SLC30A7: variants seen among roughly 807,000 people sequenced by gnomAD.
SLC30A7 encodes solute carrier family 30 member 7, also known as zinc transporter 7.
Under a neutral mutation model 46.0 loss-of-function variants are expected in SLC30A7, and 35 were observed. The ratio of observed to expected loss-of-function variants is 0.76; its 90% CI spans 0.58 to 1.01. The LOEUF (loss-of-function observed/expected upper bound fraction) is 1.01, where lower values mean the gene tolerates loss of function less well. SLC30A7 is among the 50% of genes least tolerant of loss of function. The pLI is 0.00. For synonymous variants in SLC30A7, 147 were observed against 157.8 expected (o/e 0.93, Z 0.51); for missense variants, 464 against 451.1 (o/e 1.03, Z -0.26).
intron 2 of SLC30A7, among the ~76,000 whole-genome samples, chr1:100,899,325 G>A (rs548161866): frequency 3.9e-5 from 6 of 152,232 alleles, no homozygotes; most frequent in African/African-American, 7.2e-5. Flanking sequence ...TAACTACCCC[G>A]TTAAGGAAAA....
downstream of SLC30A7, among the ~76,000 whole-genome samples, chr1:100,986,035 G>T (rs1053983538): frequency 1.3e-5 from 2 of 152,252 alleles, no homozygotes; most frequent in African/African-American, 4.8e-5. Context: ...CATCAAATAG[G>T]ATATAAGAAT....
intron 3 of SLC30A7, among the ~76,000 whole-genome samples, chr1:100,908,978 C>T (rs1489977125): frequency 6.6e-6 from 1 of 151,748 alleles, no homozygotes; most frequent in Non-Finnish European, 1.5e-5. Flanking sequence ...TAATGTTCAG[C>T]TTTAGCTAGT....
chr1:100,913,745 G>A lies in SLC30A7; in HGVS notation c.594G>A (p.Val198=). Residue 198 remains valine, a synonymous_variant, in exon 6 of 11, where the codon GTG becomes GTA. Transcript: ENST00000357650. The part of the protein sequence containing the change: ...GHVDHCHSHE[V]KHGAAHSHDH... Reference sequence around the variant, plus strand: ...TCGATCATTGCCATAGCCATGAAGTGAAACATGGTGCTGCACATAGCCATG... The same window carrying A: ...TCGATCATTGCCATAGCCATGAAGTAAAACATGGTGCTGCACATAGCCATG... 7 of 1,613,906 alleles carry A rather than the reference G, an allele frequency of 4.3e-6. 1 individual carries two copies. The highest frequency in any genetic ancestry group is 5.9e-6 in the Non-Finnish European group (7 of 1,179,834).
chr1:100,896,461 G>T (rs1650939897), intron 1 of SLC30A7, 109 bp from the exon 2 acceptor site: 1 of 1,426,314 alleles, frequency 7.0e-7, no homozygotes, highest in Non-Finnish European at 9.9e-7. Context: ...ACCCCTAGCT[G>T]TGAAGAAAGG....
intron 6 of SLC30A7, among the ~76,000 whole-genome samples, chr1:100,914,049 A>G (rs1014640507): frequency 6.6e-6 from 1 of 152,026 alleles, no homozygotes; most frequent in Non-Finnish European, 1.5e-5. Context: ...TTTTTTATGT[A>G]TTTATTTTTA....
intron 7 of SLC30A7, among the ~76,000 whole-genome samples, 158 bp from the exon 8 acceptor site, chr1:100,921,547 CT>C (rs1249630463): frequency 6.6e-6 from 1 of 152,140 alleles, no homozygotes; most frequent in Middle Eastern, 3.2e-3. Context: ...CATAAATGTA[CT>C]ATTACATGGT....
chr1:100,915,894 A>T (rs977226890), intron 6 of SLC30A7, among the ~76,000 whole-genome samples: 25 of 152,196 alleles, frequency 1.6e-4, no homozygotes, highest in African/African-American at 6.0e-4. Context: ...CACCAGTAGT[A>T]TACAAGGGTT....
intron 10 of SLC30A7, among the ~76,000 whole-genome samples, chr1:100,973,992 C>G (rs571599961): frequency 2.6e-5 from 4 of 152,266 alleles, no homozygotes; most frequent in Admixed American, 2.6e-4. Flanking sequence ...GGATTTTAGA[C>G]AGCAAATATG....
chr1:100,941,098 C>T (rs537220644), intron 8 of SLC30A7: 19 of 315,860 alleles, frequency 6.0e-5, no homozygotes, highest in African/African-American at 4.0e-4. Flanking sequence ...AAAGAATTTG[C>T]CTCCACCACC....
intron 8 of SLC30A7, among the ~76,000 whole-genome samples, chr1:100,936,268 GT>G (rs1653960806): frequency 6.6e-6 from 1 of 152,106 alleles, no homozygotes. Context: ...TGTCTGGTCA[GT>G]TTTGGAATGA....
intron 2 of SLC30A7, among the ~76,000 whole-genome samples, chr1:100,904,899 CCTT>C (rs1373442920): frequency 6.6e-6 from 1 of 152,014 alleles, no homozygotes; most frequent in Non-Finnish European, 1.5e-5. Flanking sequence ...CATTTTTACT[CCTT>C]CTCCTGTAAT....
At chr1:100,945,308 C>A (rs1654565340) in intron 8 of SLC30A7, among the ~76,000 whole-genome samples, 1 of 152,200 alleles carries the variant, frequency 6.6e-6, no homozygotes, top group African/African-American at 2.4e-5. Context: ...TCATTTGTCT[C>A]TTTTGGCTTT....
chr1:100,944,215 A>G (rs1368938286), intron 8 of SLC30A7, among the ~76,000 whole-genome samples: 5 of 152,200 alleles, frequency 3.3e-5, no homozygotes, highest in Admixed American at 6.5e-5. Context: ...CGCCTGGCTA[A>G]TTTTTGTAGA....
In SLC30A7 at chr1:100,911,176, G is replaced by A. The variant is rs371455415; in HGVS notation, c.384+26G>A. 5.6e-6 allele frequency: 8 copies of A among 1,428,082 alleles called. No individual in the cohort carries two copies. In the African/African-American group the frequency reaches 1.0e-4, roughly 18 times the overall value. The allele number at this position is 1,428,082 out of a possible 1,614,324, so 88.5% of individuals were successfully genotyped here. A position where few individuals can be genotyped will look rare whatever the true frequency, so the allele number is the denominator to read the frequency against. ...GTATAGTAGATAATTATTAAAGTCA[G>A]TAAATTACATTTCTGTAATGAAAAT... On this transcript the variant is annotated intron_variant, in intron 4 of 10. Transcript: ENST00000357650.
intron 2 of SLC30A7, among the ~76,000 whole-genome samples, chr1:100,899,155 C>T (rs572876919): frequency 2.0e-5 from 3 of 152,270 alleles, no homozygotes; most frequent in East Asian, 1.9e-4. Flanking sequence ...TACCTTTCAC[C>T]TTCCCACTAG....
intron 2 of SLC30A7, among the ~76,000 whole-genome samples, chr1:100,904,514 G>A (rs189854156): frequency 9.6e-4 from 145 of 150,432 alleles, no homozygotes; most frequent in Non-Finnish European, 1.6e-3. Context: ...TCTGTTAACT[G>A]CTTTCTCCAC....
At chr1:100,966,048 TAGTG>T in intron 10 of SLC30A7, 130 bp downstream of exon 10, 1 of 734,456 alleles carries the variant, frequency 1.4e-6, no homozygotes. Context: ...GTGGGCAACA[TAGTG>T]AGACCCCGTC....
intron 9 of SLC30A7, 26 bp from the exon 10 acceptor site, chr1:100,965,743 G>A (rs1189137273): frequency 5.0e-6 from 8 of 1,602,666 alleles, no homozygotes; most frequent in Non-Finnish European, 6.0e-6. Context: ...TGATTATGAT[G>A]TTAATATCTC....
chr1:100,975,287 T>A lies in SLC30A7; in HGVS notation c.*430T>A, dbSNP rs1656401872. 6.4e-6 allele frequency: 1 copy of A among 156,076 alleles called. No individual in the cohort carries two copies. The highest frequency in any genetic ancestry group is 1.9e-4 in the East Asian group (1 of 5,362). 9.7% of individuals were successfully genotyped at this position (156,076 alleles called of 1,614,324 possible). On this transcript the variant is annotated 3_prime_UTR_variant, in exon 11 of 11. Transcript: ENST00000357650. ...CTTCACTGCAGCTGCTGGAAATCAC[T>A]GCTTTCATTCCCACAAAACCAGTAT...
Sources: allele counts gnomAD v4.1 joint callset (sites outside exome capture counted in the v4.1 genomes callset), GRCh38; gene constraint gnomAD v4.1.1; transcripts MANE v1.5; gene names NCBI Gene and HGNC (gene_info 2026-07-23, HGNC 2026-07-21).